The following SAP130 variants were observed in gnomAD, a reference collection of about 807,000 sequenced individuals.
SAP130 encodes the protein histone deacetylase complex subunit SAP130.
Under a neutral mutation model 103.2 loss-of-function variants are expected in SAP130, and 16 were observed. That is an observed-to-expected ratio of 0.16 (90% CI 0.10 to 0.24). The LOEUF (loss-of-function observed/expected upper bound fraction) is 0.24. SAP130 is among the 10% of genes least tolerant of loss of function. The pLI, the probability that SAP130 is intolerant of heterozygous loss-of-function variation, is 1.00. For synonymous variants in SAP130, 477 were observed against 497.0 expected (o/e 0.96, Z 0.53); for missense variants, 990 against 1,359.7 (o/e 0.73, Z 4.28).
In SAP130 at chr2:127,986,642, G is replaced by T; in HGVS notation, c.1958+143C>A. On this transcript the variant is annotated intron_variant, in intron 14 of 20. Coordinates refer to ENST00000643581, the MANE Select transcript of SAP130 (RefSeq NM_001330301.2). This position sits in a 1 kb window ranked among gnomAD's most constrained non-coding sequence, Gnocchi z 4.7. ...TAAGGCTCTACTGAATAATCCTGTG[G>T]TCAAGTTGTTTTGGAGGAAATTTTA... The T allele has an allele frequency of 1.2e-6, 1 of 843,006 alleles. No homozygotes were observed. Among genetic ancestry groups the T allele is most frequent in the Non-Finnish European group, 1.9e-6 (1 of 534,460 alleles). The allele number at this position is 843,006 out of a possible 1,614,324, so 52.2% of individuals were successfully genotyped here.
chr2:128,000,801 C>T (rs1360408807), intron 7 of SAP130, among the ~76,000 whole-genome samples: 2 of 152,112 alleles, frequency 1.3e-5, no homozygotes, highest in Non-Finnish European at 2.9e-5. Context: ...TTGGGGGGCG[C>T]AAAGGCTGAA....
At chr2:127,965,079 G>A (rs775527560) in intron 15 of SAP130, among the ~76,000 whole-genome samples, 10 of 151,048 alleles carry the variant, frequency 6.6e-5, no homozygotes, top group African/African-American at 7.3e-5. Context: ...GGCAGATCGC[G>A]AGGTCAGGAG....
At chr2:128,000,262 T>A in intron 8 of SAP130, 45 bp downstream of exon 8, 1 of 1,612,984 alleles carries the variant, frequency 6.2e-7, no homozygotes, top group Non-Finnish European at 8.5e-7. Context: ...CACTTTTGGT[T>A]TTACCCAACA....
intron 2 of SAP130, among the ~76,000 whole-genome samples, chr2:128,019,096 T>C (rs1684979709): frequency 6.6e-6 from 1 of 150,978 alleles, no homozygotes; most frequent in Non-Finnish European, 1.5e-5. Context: ...TGAGGCTCCA[T>C]CTCAAAAAAA....
At chr2:127,997,539 T>G (rs1333469385) in intron 10 of SAP130, among the ~76,000 whole-genome samples, 2 of 151,994 alleles carry the variant, frequency 1.3e-5, no homozygotes, top group Non-Finnish European at 2.9e-5. Flanking sequence ...TTTCGCAGGG[T>G]GATAACAGGA....
chr2:127,974,033 C>T (rs1681278364), intron 15 of SAP130, among the ~76,000 whole-genome samples: 1 of 151,976 alleles, frequency 6.6e-6, no homozygotes, highest in Admixed American at 6.6e-5. Context: ...AGAGTGAGAC[C>T]CTATTTCATT....
At chr2:128,015,534 T>C (rs1310545506) in intron 4 of SAP130, among the ~76,000 whole-genome samples, 1 of 152,178 alleles carries the variant, frequency 6.6e-6, no homozygotes, top group East Asian at 1.9e-4. Context: ...GTTTTTAGAT[T>C]TAGTTTTTTT....
intron 15 of SAP130, among the ~76,000 whole-genome samples, chr2:127,963,889 T>A (rs1254418582): frequency 6.6e-6 from 1 of 152,246 alleles, no homozygotes; most frequent in African/African-American, 2.4e-5. Context: ...GTTTTTTCTA[T>A]CATTATTTGC....
At chr2:127,971,938 T>G (rs1158779359) in intron 15 of SAP130, among the ~76,000 whole-genome samples, 3 of 152,256 alleles carry the variant, frequency 2.0e-5, no homozygotes, top group Admixed American at 6.5e-5. Context: ...AATCCTTTTT[T>G]GTTACTCATC....
chr2:128,000,251 C>T, intron 8 of SAP130, 56 bp downstream of exon 8: 2 of 1,611,752 alleles, frequency 1.2e-6, no homozygotes, highest in South Asian at 2.2e-5. Flanking sequence ...CACATTTTGC[C>T]CACTTTTGGT....
intron 15 of SAP130, among the ~76,000 whole-genome samples, chr2:127,957,829 G>C (rs925248223): frequency 6.6e-6 from 1 of 152,054 alleles, no homozygotes; most frequent in Non-Finnish European, 1.5e-5. Context: ...AGAGAGAAGA[G>C]AGACAGTAAA....
chr2:128,016,788 A>T (rs1684819813), intron 3 of SAP130, among the ~76,000 whole-genome samples: 1 of 152,250 alleles, frequency 6.6e-6, no homozygotes, highest in Non-Finnish European at 1.5e-5. Context: ...ACACAGTAAG[A>T]AGTAGAACTG....
intron 16 of SAP130, among the ~76,000 whole-genome samples, chr2:127,952,447 T>G (rs987918596): frequency 3.4e-4 from 9 of 26,852 alleles, no homozygotes; most frequent in Non-Finnish European, 6.0e-4. Context: ...CACAACTCCA[T>G]CTTAAAAAAA....
At chr2:128,012,886 T>C in intron 6 of SAP130, 144 bp downstream of exon 6, 1 of 691,854 alleles carries the variant, frequency 1.4e-6, no homozygotes, top group Non-Finnish European at 2.2e-6. Flanking sequence ...TTCTTACAGC[T>C]TGCCACATGA....
intron 11 of SAP130, among the ~76,000 whole-genome samples, chr2:127,995,402 C>T (rs1683103908): frequency 6.6e-6 from 1 of 152,044 alleles, no homozygotes; most frequent in Non-Finnish European, 1.5e-5. Flanking sequence ...CCCCCAAAGA[C>T]CAAATGAGAT....
rs561272625 is a variant in SAP130, at chr2:127,973,803, G to A, written c.2063+4182C>T. Among the ~76,000 whole-genome samples the A allele has an allele frequency of 1.8e-3, 268 of 152,190 alleles. 2 individuals are homozygous for A. The highest frequency in any genetic ancestry group is 0.016 in the South Asian group (79 of 4,822). ...CTTTTAAGACATATGGGCAGGGTGC[G>A]GTGCTCATGTCTGTAATCCCAGCAC... On this transcript the variant is annotated intron_variant, in intron 15 of 20. Transcript: ENST00000643581.
chr2:128,018,483 CAAAA>C (rs759445928), intron 2 of SAP130, among the ~76,000 whole-genome samples: 3 of 69,480 alleles, frequency 4.3e-5, no homozygotes, highest in Admixed American at 1.8e-4. Flanking sequence ...AGATTGTCTC[CAAAA>C]AAAAAAAAAA....
intron 1 of SAP130, 31 bp downstream of exon 1, chr2:128,027,909 C>T: frequency 1.0e-6 from 1 of 985,136 alleles, no homozygotes; most frequent in Non-Finnish European, 1.2e-6. Context: ...GTCTCCTCCC[C>T]TTCCCTCCCG....
At chr2:128,022,233 C>T (rs1054868911) in intron 2 of SAP130, among the ~76,000 whole-genome samples, 2 of 152,216 alleles carry the variant, frequency 1.3e-5, no homozygotes, top group African/African-American at 4.8e-5. Context: ...TCTGGATTCT[C>T]TCCTTAGTGT....
Sources: allele counts gnomAD v4.1 joint callset (sites outside exome capture counted in the v4.1 genomes callset), GRCh38; gene constraint gnomAD v4.1.1; non-coding constraint Gnocchi (gnomAD v3.1); transcripts MANE v1.5; gene names NCBI Gene and HGNC (gene_info 2026-07-23, HGNC 2026-07-21).